RNASE11: variants seen among roughly 807,000 people sequenced by gnomAD.
RNASE11 encodes the protein putative inactive ribonuclease 11.
For synonymous variants in RNASE11, 105 were observed against 86.1 expected (o/e 1.22, Z -1.21); for missense variants, 252 against 237.8 (o/e 1.06, Z -0.39).
exon 2 of RNASE11, chr14:20,584,141 C>T (rs756643141): frequency 1.5e-5 from 24 of 1,614,046 alleles, no homozygotes; most frequent in African/African-American, 2.7e-5. Context: ...TTGCACGATC[C>T]GTTTGCTTCT....
intron 1 of RNASE11, among the ~76,000 whole-genome samples, chr14:20,586,442 T>C (rs868272943): frequency 6.6e-6 from 1 of 152,026 alleles, no homozygotes; most frequent in African/African-American, 2.4e-5. Flanking sequence ...TATGAACTTT[T>C]AAAAAATTAT....
upstream of RNASE11, chr14:20,590,198 C>T: frequency 1.3e-6 from 2 of 1,544,156 alleles, no homozygotes; most frequent in Non-Finnish European, 1.7e-6. Flanking sequence ...TGCCCCATGT[C>T]CACGGTCCAG....
intron 1 of RNASE11, 76 bp from the exon 3 acceptor site, chr14:20,584,572 T>A: frequency 1.6e-6 from 2 of 1,244,854 alleles, no homozygotes; most frequent in Non-Finnish European, 2.2e-6. Context: ...TGACAGTTAT[T>A]CCTGGTAGGG....
exon 2 of RNASE11, chr14:20,584,309 T>C (rs1452803353): frequency 1.9e-6 from 3 of 1,614,184 alleles, no homozygotes; most frequent in African/African-American, 1.3e-5. Flanking sequence ...ACTAACAGGA[T>C]CGGGTTCATT....
chr14:20,585,475 G>A (rs149630531), intron 1 of RNASE11, among the ~76,000 whole-genome samples: 4 of 152,120 alleles, frequency 2.6e-5, no homozygotes, highest in African/African-American at 9.6e-5. Context: ...CACAGTTTCT[G>A]ATTATTTATA....
At chr14:20,588,836 G>T (rs141071210), upstream of RNASE11, among the ~76,000 whole-genome samples, 2,096 of 152,252 alleles carry the variant, frequency 0.014, 62 homozygotes, top group African/African-American at 0.049. Context: ...GCCCAGGCTG[G>T]AGTGCAATGG....
intron 1 of RNASE11, 140 bp from the exon 3 acceptor site, chr14:20,584,636 T>A: frequency 1.7e-6 from 1 of 600,672 alleles, no homozygotes; most frequent in South Asian, 3.0e-5. Context: ...TATGATATAA[T>A]AGAAAGACAA....
At chr14:20,588,860 CA>C (rs1884493508), upstream of RNASE11, among the ~76,000 whole-genome samples, 1 of 152,130 alleles carries the variant, frequency 6.6e-6, no homozygotes, top group South Asian at 2.1e-4. Context: ...GATCTCGGCT[CA>C]CTGCAACCTC....
upstream of RNASE11, among the ~76,000 whole-genome samples, chr14:20,589,175 A>G (rs897435900): frequency 1.1e-4 from 16 of 152,136 alleles, no homozygotes; most frequent in African/African-American, 3.9e-4. Context: ...CGTTTCTCAC[A>G]TAACTCATCT....
At chr14:20,587,212 T>TA (rs1255229691) in intron 1 of RNASE11, among the ~76,000 whole-genome samples, 1 of 152,154 alleles carries the variant, frequency 6.6e-6, no homozygotes, top group East Asian at 1.9e-4. Context: ...TAGATATAGA[T>TA]ACACACACAC....
upstream of RNASE11, among the ~76,000 whole-genome samples, chr14:20,589,571 A>G (rs1884519353): frequency 6.6e-6 from 1 of 151,060 alleles, no homozygotes; most frequent in Admixed American, 6.6e-5. Context: ...AGATTTTTGC[A>G]TTAATTTTGA....
exon 2 of RNASE11, chr14:20,583,980 T>A (rs1223694629): frequency 6.2e-6 from 10 of 1,614,214 alleles, no homozygotes; most frequent in Non-Finnish European, 8.5e-6. Flanking sequence ...ACCTGGGGAA[T>A]TGTTTGCCTG....
chr14:20,587,551 G>T lies in RNASE11; in HGVS notation c.-23+12C>A, dbSNP rs1032115007. The T allele has an allele frequency of 1.3e-5, 13 of 985,072 alleles. No homozygotes were observed. The highest frequency in any genetic ancestry group is 1.6e-5 in the Non-Finnish European group (13 of 829,760). The allele number at this position is 985,072 out of a possible 1,614,324, so 61.0% of individuals were successfully genotyped here. A position where few individuals can be genotyped will look rare whatever the true frequency, so the allele number is the denominator to read the frequency against. ...CCAAGGCCCAACAAATCATGTGCTA[G>T]GGACCACCTACCTGTTCCTGTTCAG... On this transcript the variant is annotated intron_variant, in intron 1 of 1. Coordinates refer to ENST00000553849, the Ensembl canonical transcript of RNASE11.
At chr14:20,588,927 C>T (rs1050274184), upstream of RNASE11, among the ~76,000 whole-genome samples, 4 of 151,934 alleles carry the variant, frequency 2.6e-5, no homozygotes, top group Admixed American at 2.0e-4. Flanking sequence ...GCTGGGATTA[C>T]AGGCGTGCAC....
chr14:20,584,475 C>T (rs1187126244), exon 2 of RNASE11: 1 of 1,583,388 alleles, frequency 6.3e-7, no homozygotes, highest in South Asian at 1.2e-5. Flanking sequence ...AGGTCTCCAT[C>T]TCAGATGTAG....
At chr14:20,584,590 C>T in intron 1 of RNASE11, 94 bp from the exon 3 acceptor site, 1 of 1,026,362 alleles carries the variant, frequency 9.7e-7, no homozygotes, top group Non-Finnish European at 1.4e-6. Context: ...GGGACCCCTA[C>T]ATGTAGGTTA....
At chr14:20,584,186 A>G (rs746595088) in exon 2 of RNASE11, 2 of 1,613,860 alleles carry the variant, frequency 1.2e-6, no homozygotes, top group Non-Finnish European at 1.7e-6. Context: ...TCATTGCAAC[A>G]CTCTTTGTCA....
chr14:20,586,405 T>G (rs926319672), intron 1 of RNASE11, among the ~76,000 whole-genome samples: 4 of 152,246 alleles, frequency 2.6e-5, no homozygotes, highest in African/African-American at 9.6e-5. Context: ...CATTCCCTTC[T>G]TATACCACTC....
chr14:20,582,916 G>A (rs1243600), downstream of RNASE11: 1 of 151,978 alleles, frequency 6.6e-6, no homozygotes, highest in Non-Finnish European at 1.5e-5. Flanking sequence ...CATGCATTTA[G>A]TTAAAATTAG....
Sources: gnomAD v4.1 joint callset for allele counts (sites outside exome capture counted in the v4.1 genomes callset) on GRCh38, gnomAD v4.1.1 for gene constraint, MANE v1.5 for transcripts, NCBI Gene and HGNC (gene_info 2026-07-23, HGNC 2026-07-21) for gene names.